The following ATP6V0D2 variants were observed in gnomAD, a reference collection of about 807,000 sequenced individuals.
The protein encoded by ATP6V0D2 is ATPase H+ transporting V0 subunit d2, also known as V-type proton ATPase subunit d 2.
Under a neutral mutation model 40.0 loss-of-function variants are expected in ATP6V0D2, and 40 were observed. That is an observed-to-expected ratio of 1.00 (90% CI 0.78 to 1.30). The LOEUF is 1.30. Ranked by LOEUF, ATP6V0D2 falls within the 50% of genes most tolerant of loss-of-function variation. The probability of loss-of-function intolerance (pLI) is 0.00; values close to 1 mark genes in which losing one functional copy is unlikely to be tolerated. For synonymous variants in ATP6V0D2, 179 were observed against 156.3 expected (o/e 1.15, Z -1.08); for missense variants, 470 against 423.1 (o/e 1.11, Z -0.97).
chr8:86,145,158 C>A (rs946046931), intron 5 of ATP6V0D2, among the ~76,000 whole-genome samples: 1 of 130,786 alleles, frequency 7.6e-6, no homozygotes, highest in Non-Finnish European at 1.6e-5. Flanking sequence ...CAGAGTGAGA[C>A]TCAGAAAGAA....
chr8:86,123,192 T>C (rs888455955), intron 2 of ATP6V0D2, among the ~76,000 whole-genome samples: 11 of 152,194 alleles, frequency 7.2e-5, no homozygotes, highest in African/African-American at 2.7e-4. Context: ...CTTAGGATTA[T>C]TGTGCATGTA....
chr8:86,107,869 T>C (rs1052976837), intron 1 of ATP6V0D2, among the ~76,000 whole-genome samples: 3 of 152,164 alleles, frequency 2.0e-5, no homozygotes, highest in Admixed American at 6.5e-5. Flanking sequence ...CTTTGAAGTT[T>C]CAACACCCTG....
intron 1 of ATP6V0D2, among the ~76,000 whole-genome samples, chr8:86,099,655 G>A (rs924360585): frequency 2.6e-5 from 4 of 152,054 alleles, no homozygotes; most frequent in Non-Finnish European, 5.9e-5. Context: ...CACCTGGCCC[G>A]ACTAATTTTT....
At position 86,153,225 on chromosome 8, in the gene ATP6V0D2, A is replaced by C. The variant is rs1035452198; in HGVS notation, c.*248A>C. On this transcript the variant is annotated 3_prime_UTR_variant, in exon 8 of 8. Transcript: ENST00000285393. ...TCACTGGGCCTTACAGGTTAGTTTTAATTAACTCTATGGTATTTTTCTTAT... is the reference window on the plus strand; with the variant it reads ...TCACTGGGCCTTACAGGTTAGTTTTCATTAACTCTATGGTATTTTTCTTAT... The C allele has an allele frequency of 2.6e-5, 7 of 274,026 alleles. No individual in the cohort carries two copies. The highest frequency in any genetic ancestry group is 4.0e-5 in the Non-Finnish European group (6 of 148,764). The allele number at this position is 274,026 out of a possible 1,614,324, so 17.0% of individuals were successfully genotyped here. A position where few individuals can be genotyped will look rare whatever the true frequency, so the allele number is the denominator to read the frequency against.
intron 1 of ATP6V0D2, among the ~76,000 whole-genome samples, chr8:86,105,684 G>A (rs1362680481): frequency 7.9e-5 from 11 of 139,744 alleles, no homozygotes; most frequent in African/African-American, 1.1e-4. Flanking sequence ...GCGCGATCTC[G>A]GCTCACTGCA....
chr8:86,113,827 G>A lies in ATP6V0D2; in HGVS notation c.249G>A (p.Glu83=), dbSNP rs781381033. ...EMRKRLCGEF[E]YFRNHSLEPL... ...GGAAAAGACTATGTGGAGAATTTGA[G>A]TATTTCCGGAATCATTCCCTGGAGC... The change falls in exon 2 of 8, where the codon GAG becomes GAA. Residue 83 remains glutamate (E), a synonymous_variant. Transcript: ENST00000285393. 1 of 1,613,856 alleles carries A rather than the reference G, an allele frequency of 6.2e-7. No homozygotes were observed. The highest frequency in any genetic ancestry group is 8.5e-7 in the Non-Finnish European group (1 of 1,179,902).
At position 86,151,755 on chromosome 8, in the gene ATP6V0D2, C is replaced by CT. The variant is rs564476016; in HGVS notation, c.891+233dup. Among the ~76,000 whole-genome samples, 854 of 85,512 alleles carry CT rather than the reference C, an allele frequency of 1.0e-2. 5 individuals are homozygous for CT. The highest frequency in any genetic ancestry group is 0.02 in the African/African-American group (619 of 31,300). 56.1% of individuals were successfully genotyped at this position (85,512 alleles called of 152,430 possible). A position where few individuals can be genotyped will look rare whatever the true frequency, so the allele number is the denominator to read the frequency against. Reference sequence around the variant, plus strand: ...CTGCTAAAGTTTGTAGCTTTTCTTTCTTTTTTTTTTTTTTTTTTATACCCT... The same window carrying CT: ...CTGCTAAAGTTTGTAGCTTTTCTTTCTTTTTTTTTTTTTTTTTTTATACCCT... On this transcript the variant is annotated intron_variant, in intron 7 of 7. Coordinates refer to ENST00000285393, the MANE Select transcript of ATP6V0D2 (RefSeq NM_152565.1).
At chr8:86,149,786 T>C (rs781527013) in intron 5 of ATP6V0D2, among the ~76,000 whole-genome samples, 1 of 152,144 alleles carries the variant, frequency 6.6e-6, no homozygotes, top group Non-Finnish European at 1.5e-5. Context: ...TTCTCCTTTT[T>C]ATAGAAGAGA....
intron 2 of ATP6V0D2, among the ~76,000 whole-genome samples, chr8:86,115,834 T>C (rs1408454719): frequency 1.3e-5 from 2 of 152,154 alleles, no homozygotes; most frequent in Admixed American, 1.3e-4. Context: ...AAATAATATG[T>C]CAGTCAGAAA....
chr8:86,135,661 AAT>A (rs1818886696), intron 2 of ATP6V0D2, among the ~76,000 whole-genome samples: 1 of 152,198 alleles, frequency 6.6e-6, no homozygotes, highest in South Asian at 2.1e-4. Flanking sequence ...AAATTTTTGA[AAT>A]TGAGTAATTT....
At chr8:86,133,860 T>C (rs1200762527) in intron 2 of ATP6V0D2, among the ~76,000 whole-genome samples, 1 of 151,108 alleles carries the variant, frequency 6.6e-6, no homozygotes, top group Non-Finnish European at 1.5e-5. Flanking sequence ...TAGTAATAAA[T>C]CCCAGAAGGA....
At chr8:86,139,227 C>CAAAAA (rs35331724) in intron 2 of ATP6V0D2, among the ~76,000 whole-genome samples, 1 of 120,266 alleles carries the variant, frequency 8.3e-6, no homozygotes, top group African/African-American at 3.0e-5. Context: ...GACTTGGTCT[C>CAAAAA]AAAAAAAAAA....
intron 2 of ATP6V0D2, among the ~76,000 whole-genome samples, chr8:86,119,609 G>A (rs10112076): frequency 0.62 from 94,794 of 152,006 alleles, 30,418 homozygotes; most frequent in Non-Finnish European, 0.71. Context: ...ACAAACTACT[G>A]TGTTACAAAT....
intron 2 of ATP6V0D2, among the ~76,000 whole-genome samples, chr8:86,114,868 T>C (rs927509785): frequency 6.6e-6 from 1 of 152,108 alleles, no homozygotes; most frequent in Non-Finnish European, 1.5e-5. Context: ...AAAATGTAGA[T>C]GTAAAGCACA....
intron 2 of ATP6V0D2, among the ~76,000 whole-genome samples, chr8:86,124,840 C>T (rs1818718823): frequency 6.6e-6 from 1 of 152,182 alleles, no homozygotes; most frequent in Non-Finnish European, 1.5e-5. Flanking sequence ...ATAGATCACA[C>T]TCCCCTGAAA....
intron 2 of ATP6V0D2, among the ~76,000 whole-genome samples, chr8:86,134,384 C>T (rs967141913): frequency 1.3e-5 from 2 of 152,064 alleles, no homozygotes; most frequent in Non-Finnish European, 2.9e-5. Context: ...AAAGAAAGGA[C>T]AACAGAAAGG....
At chr8:86,102,563 A>G (rs918504680) in intron 1 of ATP6V0D2, among the ~76,000 whole-genome samples, 8 of 152,244 alleles carry the variant, frequency 5.3e-5, no homozygotes, top group African/African-American at 1.9e-4. Flanking sequence ...ATAGCAACAA[A>G]TTGTTTTAGA....
chr8:86,150,862 T>C (rs1183929550), intron 6 of ATP6V0D2, among the ~76,000 whole-genome samples: 1 of 152,160 alleles, frequency 6.6e-6, no homozygotes, highest in African/African-American at 2.4e-5. Context: ...TTGGCTCAGC[T>C]TCCATTCCCT....
chr8:86,100,183 T>C (rs1818376755), intron 1 of ATP6V0D2, among the ~76,000 whole-genome samples: 1 of 152,062 alleles, frequency 6.6e-6, no homozygotes, highest in Admixed American at 6.6e-5. Flanking sequence ...AATAAATAAA[T>C]ACTCAACAAG....
Sources: allele counts gnomAD v4.1 joint callset (sites outside exome capture counted in the v4.1 genomes callset), GRCh38; gene constraint gnomAD v4.1.1; transcripts MANE v1.5; gene names NCBI Gene and HGNC (gene_info 2026-07-23, HGNC 2026-07-21).